FGF14: variants seen among roughly 807,000 people sequenced by gnomAD.
FGF14 encodes the protein fibroblast growth factor 14.
A neutral mutation model predicts 25.5 loss-of-function variants in FGF14; 5 were observed. The ratio of observed to expected loss-of-function variants is 0.20; its 90% confidence interval spans 0.10 to 0.41. FGF14 has a LOEUF of 0.41. FGF14 is among the 10% of genes least tolerant of loss of function. The pLI, the probability that FGF14 is intolerant of heterozygous loss-of-function variation, is 1.00. For synonymous variants in FGF14, 138 were observed against 118.3 expected (o/e 1.17, Z -1.08); for missense variants, 222 against 320.1 (o/e 0.69, Z 2.34).
At chr13:102,172,263 A>T (rs1233253369) in intron 1 of FGF14, among the ~76,000 whole-genome samples, 3 of 152,224 alleles carry the variant, frequency 2.0e-5, no homozygotes, top group Non-Finnish European at 4.4e-5. Context: ...ATTCCACACA[A>T]ATAAGCCAGC....
intron 1 of FGF14, among the ~76,000 whole-genome samples, chr13:102,361,794 T>C (rs936247184): frequency 1.3e-5 from 2 of 152,232 alleles, no homozygotes; most frequent in Non-Finnish European, 2.9e-5. Context: ...GTTCCTTGTA[T>C]TCATTAGGTT....
chr13:102,228,492 C>T (rs1211962295), intron 1 of FGF14, among the ~76,000 whole-genome samples: 1 of 152,106 alleles, frequency 6.6e-6, no homozygotes, highest in Non-Finnish European at 1.5e-5. Flanking sequence ...ACTTAATATC[C>T]TTTTCCTTGA....
intron 1 of FGF14, among the ~76,000 whole-genome samples, chr13:102,122,481 A>C (rs2045770217): frequency 6.6e-6 from 1 of 152,188 alleles, no homozygotes; most frequent in African/African-American, 2.4e-5. Flanking sequence ...TGACAGCGGG[A>C]GTAGCTCATC....
At chr13:102,399,522 T>C (rs2058654172) in intron 1 of FGF14, among the ~76,000 whole-genome samples, 1 of 152,180 alleles carries the variant, frequency 6.6e-6, no homozygotes, top group Non-Finnish European at 1.5e-5. Flanking sequence ...AGGGTCTTCA[T>C]ATTAGGCTGT....
intron 1 of FGF14, among the ~76,000 whole-genome samples, chr13:102,233,952 T>C (rs2051203461): frequency 6.6e-6 from 1 of 152,238 alleles, no homozygotes; most frequent in Non-Finnish European, 1.5e-5. Flanking sequence ...ATTTGACTAC[T>C]ATATGGTAGA....
chr13:101,897,848 A>G (rs2030927342), intron 1 of FGF14, among the ~76,000 whole-genome samples: 1 of 152,192 alleles, frequency 6.6e-6, no homozygotes, highest in African/African-American at 2.4e-5. Flanking sequence ...TTCAATGGTT[A>G]TGCTCAAAGT....
chr13:102,231,400 A>G (rs2051077044), intron 1 of FGF14, among the ~76,000 whole-genome samples: 1 of 152,214 alleles, frequency 6.6e-6, no homozygotes, highest in Non-Finnish European at 1.5e-5. Flanking sequence ...ACAGGAGGTG[A>G]GTTGGCTACA....
At chr13:102,378,635 A>ATC (rs1206805030) in intron 1 of FGF14, among the ~76,000 whole-genome samples, 2,651 of 119,494 alleles carry the variant, frequency 0.022, 37 homozygotes, top group African/African-American at 0.046. Context: ...ATCTATCTAT[A>ATC]TATATATATA....
chr13:101,761,185 T>C (rs1405127762), intron 3 of FGF14, among the ~76,000 whole-genome samples: 3 of 152,218 alleles, frequency 2.0e-5, no homozygotes, highest in Non-Finnish European at 4.4e-5. Flanking sequence ...GTAGTTTACA[T>C]GTAAAAATAA....
At chr13:102,059,986 A>G (rs964725450) in intron 1 of FGF14, among the ~76,000 whole-genome samples, 14 of 152,254 alleles carry the variant, frequency 9.2e-5, no homozygotes, top group African/African-American at 3.4e-4. Flanking sequence ...ACAGACCGGC[A>G]TTCCTAATTT....
At chr13:102,183,723 T>C (rs954058012) in intron 1 of FGF14, among the ~76,000 whole-genome samples, 10 of 152,142 alleles carry the variant, frequency 6.6e-5, no homozygotes, top group South Asian at 2.1e-4. Flanking sequence ...CACTGCCAGA[T>C]TGGCAAAGAA....
chr13:102,161,811 G>A (rs1286548410), intron 1 of FGF14, among the ~76,000 whole-genome samples: 2 of 149,362 alleles, frequency 1.3e-5, no homozygotes, highest in African/African-American at 5.0e-5. Flanking sequence ...TCCCAATATA[G>A]TGCGCCTAGA....
intron 1 of FGF14, among the ~76,000 whole-genome samples, chr13:101,952,609 CTCTT>C (rs1301546354): frequency 6.6e-6 from 1 of 152,146 alleles, no homozygotes; most frequent in Non-Finnish European, 1.5e-5. Flanking sequence ...CTTCATAGAG[CTCTT>C]TTTTTCCCTG....
chr13:101,738,652 ACT>A (rs1327651829), intron 3 of FGF14, among the ~76,000 whole-genome samples: 6 of 152,004 alleles, frequency 3.9e-5, no homozygotes, highest in African/African-American at 1.5e-4. Context: ...GGGTTAAATA[ACT>A]CTAACTAGAT....
Position 101,925,064 on chromosome 13 carries a change from C to T in FGF14, c.209-49768G>A, listed in dbSNP as rs544394999. Among the ~76,000 whole-genome samples the T allele has an allele frequency of 3.9e-5, 6 of 152,116 alleles. No individual in the cohort carries two copies. In the East Asian group the frequency reaches 7.7e-4, roughly 20 times the overall value. Reference sequence around the variant, plus strand: ...TCTGTGAGCAAAGCAAGAATAAGAACCGAAAACTGTAGAGGAGGGCAAAGA... The same window carrying T: ...TCTGTGAGCAAAGCAAGAATAAGAATCGAAAACTGTAGAGGAGGGCAAAGA... On this transcript the variant is annotated intron_variant, in intron 1 of 4. Transcript: ENST00000376131.
At chr13:101,875,034 T>C in intron 2 of FGF14, 152 bp downstream of exon 2, 1 of 682,078 alleles carries the variant, frequency 1.5e-6, no homozygotes, top group South Asian at 1.6e-5. Context: ...TCCACGTAGT[T>C]TAAATAAAAT....
At chr13:102,369,006 A>T (rs1459956530) in intron 1 of FGF14, among the ~76,000 whole-genome samples, 1 of 152,214 alleles carries the variant, frequency 6.6e-6, no homozygotes, top group African/African-American at 2.4e-5. Context: ...GAGAGATTTC[A>T]TCATGAGTAT....
chr13:101,759,184 T>C (rs535612997), intron 3 of FGF14, among the ~76,000 whole-genome samples: 3 of 152,264 alleles, frequency 2.0e-5, no homozygotes, highest in Admixed American at 6.5e-5. Flanking sequence ...AGCCTATCCC[T>C]AACTTTTCTG....
At chr13:101,816,890 T>G (rs77956046) in intron 3 of FGF14, among the ~76,000 whole-genome samples, 3 of 152,346 alleles carry the variant, frequency 2.0e-5, no homozygotes, top group Non-Finnish European at 4.4e-5. Context: ...TTCTCTATTG[T>G]AATGTTAAGC....
Sources: gnomAD v4.1 joint callset for allele counts (sites outside exome capture counted in the v4.1 genomes callset) on GRCh38, gnomAD v4.1.1 for gene constraint, MANE v1.5 for transcripts, NCBI Gene and HGNC (gene_info 2026-07-23, HGNC 2026-07-21) for gene names.